The following GPR82 variants were observed in gnomAD, a reference collection of about 807,000 sequenced individuals.
GPR82 encodes probable G protein-coupled receptor 82.
In GPR82, 6 loss-of-function variants were observed where a neutral mutation model predicts 12.9. The observed-to-expected ratio is 0.46, with a 90% CI of 0.25 to 0.92. The LOEUF (loss-of-function observed/expected upper bound fraction) is 0.92. GPR82 is among the 40% of genes least tolerant of loss of function. The pLI is 0.16. For missense variants in GPR82, 241 were observed against 245.5 expected (o/e 0.98, Z 0.12); for synonymous variants, 90 against 87.6 (o/e 1.03, Z -0.15).
At chrX:41,725,460 AAAG>A (rs1384235140) in intron 1 of GPR82, among the ~76,000 whole-genome samples, 4 of 111,283 alleles carry the variant, frequency 3.6e-5, no homozygotes, top group Non-Finnish European at 7.5e-5. Flanking sequence ...ACATGATTAA[AAAG>A]AAGATTGAGA....
At chrX:41,726,275 G>A (rs1296108722) in intron 1 of GPR82, among the ~76,000 whole-genome samples, 1 of 112,397 alleles carries the variant, frequency 8.9e-6, no homozygotes, top group Non-Finnish European at 1.9e-5. Flanking sequence ...ACATACATGT[G>A]TAAACTTTTA....
intron 1 of GPR82, among the ~76,000 whole-genome samples, chrX:41,724,720 C>T (rs1306392674): frequency 8.9e-6 from 1 of 111,873 alleles, no homozygotes; most frequent in African/African-American, 3.2e-5. Context: ...TTGTTGACTG[C>T]TACACTGAGA....
chrX:41,725,852 T>C (rs1311353190), intron 1 of GPR82, among the ~76,000 whole-genome samples: 2 of 111,785 alleles, frequency 1.8e-5, no homozygotes, highest in Non-Finnish European at 3.8e-5. Flanking sequence ...CAGCTACAGT[T>C]TTTTTTTGTT....
At chrX:41,724,788 C>T (rs1042657654) in intron 1 of GPR82, among the ~76,000 whole-genome samples, 3 of 111,470 alleles carry the variant, frequency 2.7e-5, no homozygotes, top group Non-Finnish European at 5.7e-5. Flanking sequence ...AGTCTATGTC[C>T]CTTTTGTTTG....
At position 41,727,290 on chromosome X, in the gene GPR82, C is replaced by T. The variant is rs765104996; in HGVS notation, c.264C>T (p.Cys88=). Residue 88 remains cysteine (C), a synonymous_variant, in exon 3 of 3, where the codon TGC becomes TGT. Transcript: ENST00000302548. ...GFQWEYQSAQ[C]RVVNFLGTLS... ...AATGGGAATATCAATCTGCTCAATGCAGAGTGGTCAATTTTCTGGGAACTC... is the reference window on the plus strand; with the variant it reads ...AATGGGAATATCAATCTGCTCAATGTAGAGTGGTCAATTTTCTGGGAACTC... The T allele has an allele frequency of 2.5e-6, 3 of 1,209,320 alleles. No individual in the cohort carries two copies. The highest frequency in any genetic ancestry group is 3.4e-6 in the Non-Finnish European group (3 of 893,233).
Position 41,727,545 on chromosome X carries a change from C to T in GPR82, c.519C>T (p.Tyr173=). The change falls in exon 3 of 3, where the codon TAC becomes TAT. Residue 173 remains tyrosine, a synonymous_variant. Coordinates refer to ENST00000302548, the MANE Select transcript of GPR82 (RefSeq NM_080817.5). ...VLGIIIPVTV[Y]YSVIEATEGE... ...GCATAATCATTCCAGTTACCGTATA[C>T]TACTCAGTCATAGAGGCTACAGAAG... 8.3e-7 allele frequency: 1 copy of T among 1,207,280 alleles called. No individual in the cohort carries two copies.
rs1602533519 is a variant in GPR82, at chrX:41,729,036, T to C, written c.*999T>C. 8.1e-6 allele frequency: 1 copy of C among 123,586 alleles called. No individual in the cohort carries two copies. Among genetic ancestry groups the C allele is most frequent in the East Asian group, 2.8e-4 (1 of 3,588 alleles). The allele number at this position is 123,586 out of a possible 1,213,427, so 10.2% of individuals were successfully genotyped here. ...ATCACATTGTGCATATTTTCTTCTGTATTCAATATAAATAATGTTATTAGT... is the reference window on the plus strand; with the variant it reads ...ATCACATTGTGCATATTTTCTTCTGCATTCAATATAAATAATGTTATTAGT... On this transcript the variant is annotated 3_prime_UTR_variant, in exon 3 of 3. Coordinates refer to ENST00000302548, the MANE Select transcript of GPR82 (RefSeq NM_080817.5).
chrX:41,726,638 A>ATTT (rs995104977), intron 1 of GPR82, 135 bp from the exon 2 acceptor site: 1 of 116,380 alleles, frequency 8.6e-6, no homozygotes, highest in African/African-American at 3.2e-5. Flanking sequence ...GTGCCTTAAA[A>ATTT]TTTTTTAAAT....
Position 41,727,528 on chromosome X carries a change from A to T in GPR82, c.502A>T (p.Ile168Phe). ...ATGGGGAGTTGTACTGGGCATAATC[A>T]TTCCAGTTACCGTATACTACTCAGT... ...YIWGVVLGIIIPVTVYYSVIE... is the reference protein window; with the variant it reads ...YIWGVVLGIIFPVTVYYSVIE... The change falls in exon 3 of 3, where the codon ATT (isoleucine) becomes TTT (phenylalanine). Residue 168 changes from isoleucine to phenylalanine, a missense_variant. By Grantham distance (21) the Ile-to-Phe change is conservative. Coordinates refer to ENST00000302548, the MANE Select transcript of GPR82 (RefSeq NM_080817.5). 1 of 1,210,103 alleles carries T rather than the reference A, an allele frequency of 8.3e-7. No homozygotes were observed. The highest frequency in any genetic ancestry group is 1.1e-6 in the Non-Finnish European group (1 of 893,924).
rs935032439 is a variant in GPR82, at chrX:41,728,728, C to T, written c.*691C>T. ...CTGCACTACAGCCTGGGAGGCAGAG[C>T]GAGACTCTGTCTCATAAAACAAAAC... On this transcript the variant is annotated 3_prime_UTR_variant, in exon 3 of 3. Transcript: ENST00000302548. The T allele has an allele frequency of 6.6e-5, 8 of 121,925 alleles. No individual in the cohort carries two copies. Among genetic ancestry groups the T allele is most frequent in the African/African-American group, 1.3e-4 (4 of 30,421 alleles). The allele number at this position is 121,925 out of a possible 1,213,427, so 10.0% of individuals were successfully genotyped here. A position where few individuals can be genotyped will look rare whatever the true frequency, so the allele number is the denominator to read the frequency against.
rs55635208 is a variant in GPR82 at position 41,729,781 on chromosome X, AATAT to A, written c.*1767_*1770del. The A allele has an allele frequency of 0.018, 678 of 38,698 alleles. 19 individuals carry two copies. Among genetic ancestry groups the A allele is most frequent in the African/African-American group, 0.049 (371 of 7,536 alleles). The allele number at this position is 38,698 out of a possible 1,213,427, so 3.2% of individuals were successfully genotyped here. ...AAAAAAAAAAAAAAAAAAAAAAAAA[AATAT>A]ATATATATATATATATATATATGTA... On this transcript the variant is annotated 3_prime_UTR_variant, in exon 3 of 3. Transcript: ENST00000302548.
At chrX:41,724,332 C>T (rs1362032597) in intron 1 of GPR82, 43 bp downstream of exon 1, 4 of 112,592 alleles carry the variant, frequency 3.6e-5, no homozygotes, top group South Asian at 3.6e-4. Flanking sequence ...AAATTAAACT[C>T]TATAAAAATA....
chrX:41,727,093 A>G lies in GPR82; in HGVS notation c.67A>G (p.Ile23Val). Residue 23 changes from isoleucine (I) to valine (V), a missense_variant, in exon 3 of 3, where the codon ATC becomes GTC. Ile to Val is a conservative substitution (Grantham distance 29). Transcript: ENST00000302548. ...TTCCATGGCTTTACCAATCATTTAC[A>G]TCCTCCTTTGTATTGTTGGTGTTTT... ...ISSMALPIIY[I>V]LLCIVGVFGN... is the part of the protein sequence containing the mutation. 3 of 1,169,265 alleles carry G rather than the reference A, an allele frequency of 2.6e-6. No individual in the cohort carries two copies. Among genetic ancestry groups the G allele is most frequent in the Non-Finnish European group, 3.5e-6 (3 of 857,700 alleles).
intron 1 of GPR82, among the ~76,000 whole-genome samples, chrX:41,725,722 C>G (rs1228270347): frequency 1.8e-5 from 2 of 111,860 alleles, no homozygotes; most frequent in Admixed American, 1.9e-4. Flanking sequence ...AAATATAAGA[C>G]AGAAAAAAGT....
rs1364516357 is a variant in GPR82 at position 41,725,423 on chromosome X, TAC to T, written c.-106+1136_-106+1137del. ...AAGAATTTCAAAGGGTTGTGTATGG[TAC>T]AGTTTTTATGTTTATCAAAAGAGAA... On this transcript the variant is annotated intron_variant, in intron 1 of 2. Transcript: ENST00000302548. Among the ~76,000 whole-genome samples, 3 of 111,464 alleles carry T rather than the reference TAC, an allele frequency of 2.7e-5. No individual in the cohort carries two copies. In the East Asian group the frequency reaches 8.4e-4, roughly 31 times the overall value.
chrX:41,725,808 T>C (rs1481676909), intron 1 of GPR82, among the ~76,000 whole-genome samples: 1 of 112,105 alleles, frequency 8.9e-6, no homozygotes, highest in African/African-American at 3.2e-5. Context: ...AGATAGCAAA[T>C]TACACACAAG....
Position 41,727,639 on chromosome X carries a change from A to G in GPR82, c.613A>G (p.Ile205Val). 8.3e-7 allele frequency: 1 copy of G among 1,209,738 alleles called. No homozygotes were observed. Among genetic ancestry groups the G allele is most frequent in the Non-Finnish European group, 1.1e-6 (1 of 893,621 alleles). The change falls in exon 3 of 3, where the codon ATT becomes GTT. Residue 205 changes from isoleucine (I) to valine (V), a missense_variant. Coordinates refer to ENST00000302548, the MANE Select transcript of GPR82 (RefSeq NM_080817.5). ...CATGATCTCTCAGATTGCAGGTCTC[A>G]TTGGAACCACATTTATTGGATTTTC... ...GAMISQIAGL[I>V]GTTFIGFSFL...
chrX:41,726,175 C>T (rs1432911841), intron 1 of GPR82, among the ~76,000 whole-genome samples: 1 of 112,212 alleles, frequency 8.9e-6, no homozygotes, highest in Non-Finnish European at 1.9e-5. Flanking sequence ...TCTTGAAATC[C>T]TGGTCTCAAG....
intron 2 of GPR82, 40 bp downstream of exon 2, chrX:41,726,883 T>C (rs1297610882): frequency 8.5e-6 from 3 of 353,860 alleles, no homozygotes; most frequent in Non-Finnish European, 1.5e-5. Flanking sequence ...ATCCAATACA[T>C]TTTTGTTACT....
Sources: allele counts gnomAD v4.1 joint callset (sites outside exome capture counted in the v4.1 genomes callset), GRCh38; gene constraint gnomAD v4.1.1; transcripts MANE v1.5; gene names NCBI Gene and HGNC (gene_info 2026-07-23, HGNC 2026-07-21).